ESRRG: variants seen among roughly 807,000 people sequenced by gnomAD.
The protein encoded by ESRRG is estrogen-related receptor gamma.
ESRRG carries 13 observed loss-of-function variants against 44.0 expected under a neutral mutation model. The ratio of observed to expected loss-of-function variants is 0.30; its 90% CI spans 0.19 to 0.47. ESRRG has a LOEUF of 0.47. Ranked by LOEUF, ESRRG falls within the 20% of genes least tolerant of loss-of-function variation. The pLI is 1.00. For synonymous variants in ESRRG, 215 were observed against 214.6 expected (o/e 1.00, Z -0.02); for missense variants, 395 against 580.6 (o/e 0.68, Z 3.29).
intron 1 of ESRRG, among the ~76,000 whole-genome samples, chr1:217,121,936 A>G (rs750572150): frequency 1.3e-5 from 2 of 152,220 alleles, no homozygotes; most frequent in Non-Finnish European, 2.9e-5. Context: ...TAGGAGCAGA[A>G]GAAGGCAACC....
intron 5 of ESRRG, among the ~76,000 whole-genome samples, chr1:216,521,728 A>G (rs2046136614): frequency 6.6e-6 from 1 of 152,128 alleles, no homozygotes; most frequent in Non-Finnish European, 1.5e-5. Context: ...GGAAGGAGGA[A>G]CTTTTTTATT....
chr1:217,010,277 G>C (rs2078378495), intron 1 of ESRRG, among the ~76,000 whole-genome samples: 1 of 152,148 alleles, frequency 6.6e-6, no homozygotes, highest in South Asian at 2.1e-4. Context: ...TTTGGCAAAA[G>C]AGAGCCAATT....
At chr1:216,523,652 C>T (rs1238610840) in intron 5 of ESRRG, among the ~76,000 whole-genome samples, 1 of 151,980 alleles carries the variant, frequency 6.6e-6, no homozygotes, top group Non-Finnish European at 1.5e-5. Flanking sequence ...ATGTTTATTT[C>T]CTGAACAGAG....
At chr1:217,031,555 G>C (rs996194159) in intron 1 of ESRRG, among the ~76,000 whole-genome samples, 4 of 152,234 alleles carry the variant, frequency 2.6e-5, no homozygotes, top group African/African-American at 7.2e-5. Flanking sequence ...AGAAACATAT[G>C]ACAACTTTAA....
At chr1:216,784,600 T>C (rs574545518) in intron 2 of ESRRG, among the ~76,000 whole-genome samples, 77 of 152,210 alleles carry the variant, frequency 5.1e-4, no homozygotes, top group Non-Finnish European at 9.4e-4. Context: ...AATTTCTCTG[T>C]GGTTTCATTT....
chr1:216,567,114 C>T (rs1467236941), intron 4 of ESRRG, among the ~76,000 whole-genome samples: 2 of 152,278 alleles, frequency 1.3e-5, no homozygotes, highest in East Asian at 3.9e-4. Context: ...CTGATGAGTG[C>T]TGGTTGTGTC....
Position 216,753,178 on chromosome 1 carries a change from A to ACAC in ESRRG, c.-13-75690_-13-75688dup, listed in dbSNP as rs1358177638. On this transcript the variant is annotated intron_variant, in intron 2 of 7. Transcript: ENST00000359162. ...GGACCATATATCTATATATTGATAC[A>ACAC]CACACACACACACACACAGAGTAGT... Among the ~76,000 whole-genome samples, 3 of 150,498 alleles carry ACAC rather than the reference A, an allele frequency of 2.0e-5. No homozygotes were observed. In the East Asian group the frequency reaches 5.8e-4, roughly 29 times the overall value.
At chr1:216,815,375 A>C (rs1029381707) in intron 2 of ESRRG, among the ~76,000 whole-genome samples, 1 of 152,212 alleles carries the variant, frequency 6.6e-6, no homozygotes, top group Non-Finnish European at 1.5e-5. Flanking sequence ...AAATGGCCAC[A>C]CAGCTGGGAG....
intron 1 of ESRRG, among the ~76,000 whole-genome samples, chr1:217,010,845 A>G (rs1428903214): frequency 6.6e-6 from 1 of 152,166 alleles, no homozygotes; most frequent in East Asian, 1.9e-4. Flanking sequence ...CAGGAAGCTA[A>G]CGTAGGAAAA....
chr1:216,908,423 G>A (rs1452470451), intron 2 of ESRRG, among the ~76,000 whole-genome samples: 1 of 152,158 alleles, frequency 6.6e-6, no homozygotes, highest in Non-Finnish European at 1.5e-5. Context: ...CCTAAGAGTG[G>A]ATCACGCAGA....
At chr1:216,785,468 T>G (rs1205644638) in intron 2 of ESRRG, among the ~76,000 whole-genome samples, 1 of 152,004 alleles carries the variant, frequency 6.6e-6, no homozygotes, top group African/African-American at 2.4e-5. Context: ...GGGCACAGTC[T>G]GCACTGGCCT....
At chr1:216,882,192 T>C (rs2096458265) in intron 2 of ESRRG, among the ~76,000 whole-genome samples, 1 of 152,206 alleles carries the variant, frequency 6.6e-6, no homozygotes, top group Middle Eastern at 3.4e-3. Flanking sequence ...GTTATGTGGG[T>C]GATGGGTGCA....
chr1:216,681,242 G>C (rs192133197), intron 1 of ESRRG, among the ~76,000 whole-genome samples: 2 of 152,168 alleles, frequency 1.3e-5, no homozygotes, highest in Non-Finnish European at 2.9e-5. Context: ...AACTAGAGGG[G>C]GAAATAACAA....
At chr1:216,877,799 A>T (rs367566905) in intron 2 of ESRRG, among the ~76,000 whole-genome samples, 34 of 152,058 alleles carry the variant, frequency 2.2e-4, no homozygotes, top group African/African-American at 8.0e-4. Flanking sequence ...TTCATTCAGC[A>T]CTATGCTTTA....
chr1:216,652,376 C>T (rs1047714484), intron 2 of ESRRG, among the ~76,000 whole-genome samples: 2 of 152,124 alleles, frequency 1.3e-5, no homozygotes, highest in African/African-American at 4.8e-5. Flanking sequence ...TTAAATATCA[C>T]ATTAGTGGAT....
At chr1:216,520,259 C>T (rs955898947) in intron 5 of ESRRG, among the ~76,000 whole-genome samples, 30 of 152,050 alleles carry the variant, frequency 2.0e-4, no homozygotes, top group Admixed American at 5.9e-4. Context: ...TCTTAAATTT[C>T]GTATTTGGGA....
At chr1:216,631,956 G>A (rs1477661519) in intron 3 of ESRRG, among the ~76,000 whole-genome samples, 2 of 152,086 alleles carry the variant, frequency 1.3e-5, no homozygotes, top group South Asian at 2.1e-4. Context: ...TCCCTCCTGA[G>A]GTGCCCTCCG....
At chr1:216,572,479 T>C (rs1333097452) in intron 3 of ESRRG, among the ~76,000 whole-genome samples, 1 of 152,118 alleles carries the variant, frequency 6.6e-6, no homozygotes, top group Non-Finnish European at 1.5e-5. Flanking sequence ...AATGTTATTT[T>C]AAATGGTCAG....
In ESRRG at chr1:216,658,848, A is replaced by AAGAAGAGAAGAGAAGAGAAGAGAAG. The variant is rs199919171; in HGVS notation, c.473-7784_473-7760dup. ...ACTCTGTCTCCAAAAAAGAAAGTAA[A>AAGAAGAGAAGAGAAGAGAAGAGAAG]AGAAGAGAAGAGAAGAGAAGAGAAG... On this transcript the variant is annotated intron_variant, in intron 2 of 6. Coordinates refer to ENST00000408911, the MANE Select transcript of ESRRG (RefSeq NM_001438.4). 3.0e-3 allele frequency among the ~76,000 whole-genome samples: 376 copies of AAGAAGAGAAGAGAAGAGAAGAGAAG among 125,154 alleles called. 2 individuals are homozygous for AAGAAGAGAAGAGAAGAGAAGAGAAG. The highest frequency in any genetic ancestry group is 3.8e-3 in the Non-Finnish European group (238 of 62,290). 82.1% of individuals were successfully genotyped at this position (125,154 alleles called of 152,430 possible).
Sources: gnomAD v4.1 joint callset for allele counts (sites outside exome capture counted in the v4.1 genomes callset) on GRCh38, gnomAD v4.1.1 for gene constraint, MANE v1.5 for transcripts, NCBI Gene and HGNC (gene_info 2026-07-23, HGNC 2026-07-21) for gene names.